The following NDST2 variants were observed in gnomAD, a reference collection of about 807,000 sequenced individuals.
NDST2 encodes bifunctional heparan sulfate N-deacetylase/N-sulfotransferase 2.
Under a neutral mutation model 86.9 loss-of-function variants are expected in NDST2, and 32 were observed. That is an observed-to-expected ratio of 0.37 (90% CI 0.28 to 0.49). NDST2 has a LOEUF of 0.49. Ranked by LOEUF, NDST2 falls within the 20% of genes least tolerant of loss-of-function variation. NDST2 has a pLI of 0.97. For synonymous variants in NDST2, 409 were observed against 437.0 expected, an observed-to-expected ratio of 0.94 and a Z score of 0.80; for missense variants, 950 against 1,146.9, an observed-to-expected ratio of 0.83 and a Z score of 2.48.
chr10:73,808,133 C>G lies in NDST2; in HGVS notation c.256G>C (p.Val86Leu), dbSNP rs575226199. The change falls in exon 3 of 15, where the codon GTG (valine) becomes CTG (leucine). Residue 86 changes from valine (V) to leucine (L), a missense_variant. This residue lies in a region of NDST2 where 586 missense variants were observed against 714.0 expected (regional missense o/e 0.82). Coordinates refer to ENST00000309979, the MANE Select transcript of NDST2 (RefSeq NM_003635.4). The surrounding 1 kb of genome is among the most constrained non-coding windows in gnomAD (Gnocchi z 4.3). ...GCACTCTCCACAAACACAAGGACCA[C>G]GGGTTCAGTTCGAGCTGTCTCTGGA... ...RPPETARTEP[V>L]VLVFVESAYS... The G allele has an allele frequency of 5.0e-6, 8 of 1,614,236 alleles. No individual in the cohort carries two copies. In the African/African-American group the frequency reaches 1.1e-4, roughly 22 times the overall value.
chr10:73,802,454 G>C lies in NDST2; in HGVS notation c.2649C>G (p.Gly883=). 2.5e-6 allele frequency: 4 copies of C among 1,612,670 alleles called. No homozygotes were observed. The highest frequency in any genetic ancestry group is 3.4e-6 in the Non-Finnish European group (4 of 1,180,020). The change falls in exon 15 of 15, where the codon GGC becomes GGG. Residue 883 remains glycine, a synonymous_variant. Coordinates refer to ENST00000309979, the MANE Select transcript of NDST2 (RefSeq NM_003635.4). ...LREELQHSSL[G] is the part of the protein sequence containing the mutation. ...GCTGGTATGGGAGGCTGGGACATCA[G>C]CCCAGACTGGAATGCTGCAGTTCTT...
At position 73,802,462 on chromosome 10, in the gene NDST2, T is replaced by A; in HGVS notation, c.2641A>T (p.Ser881Cys). The A allele has an allele frequency of 1.2e-6, 2 of 1,612,972 alleles. No individual in the cohort carries two copies. The highest frequency in any genetic ancestry group is 1.1e-5 in the South Asian group (1 of 91,020). Residue 881 changes from serine (S) to cysteine (C), a missense_variant, in exon 15 of 15, where the codon AGT becomes TGT. Around this residue, in one of 5 missense-constraint regions of NDST2, gnomAD observed 303 missense variants for 323.7 expected, o/e 0.94. Transcript: ENST00000309979. ...GGGAGGCTGGGACATCAGCCCAGAC[T>A]GGAATGCTGCAGTTCTTCCCGAAGC... ...SWLREELQHSSLG is the reference protein window; with the variant it reads ...SWLREELQHSCLG
rs571502208 is a variant in NDST2 at position 73,807,432 on chromosome 10, G to A, written c.957C>T (p.Asp319=). The part of the protein sequence containing the change: ...LDRYILVDID[D]IFVGKEGTRM... Reference sequence around the variant, plus strand: ...GGGTCCCTTCCTTGCCCACAAAGATGTCATCGATGTCTACCAAGATGTAGC... The same window carrying A: ...GGGTCCCTTCCTTGCCCACAAAGATATCATCGATGTCTACCAAGATGTAGC... The change falls in exon 3 of 15, where the codon GAC becomes GAT. Residue 319 remains aspartate (D), a synonymous_variant. Transcript: ENST00000309979. 8 of 1,614,196 alleles carry A rather than the reference G, an allele frequency of 5.0e-6. No individual in the cohort carries two copies. The African/African-American group carries it at 1.1e-4, about 22-fold the overall frequency.
At chr10:73,811,014 C>G in intron 1 of NDST2, 111 bp from the exon 2 acceptor site, 1 of 395,580 alleles carries the variant, frequency 2.5e-6, no homozygotes. Flanking sequence ...CGGGAGATCT[C>G]TGAGGACGGC....
In NDST2 at chr10:73,806,492, T is replaced by G. The variant is rs1483853178; in HGVS notation, c.1249-18A>C. On this transcript the variant is annotated intron_variant, in intron 5 of 14. Transcript: ENST00000309979. The surrounding 1 kb of genome is among the most constrained non-coding windows in gnomAD (Gnocchi z 4.5). ...CCATGCTCCTGGGAATGGCATAGAC[T>G]CTCACCAGGACCTGGTGAGGTTTGG... 1.3e-6 allele frequency: 2 copies of G among 1,570,856 alleles called. No homozygotes were observed. The highest frequency in any genetic ancestry group is 2.4e-5 in the South Asian group (2 of 84,360).
At position 73,802,776 on chromosome 10, in the gene NDST2, C is replaced by A; in HGVS notation, c.2424G>T (p.Arg808Ser). 1.2e-6 allele frequency: 2 copies of A among 1,613,926 alleles called. No individual in the cohort carries two copies. The highest frequency in any genetic ancestry group is 1.7e-6 in the Non-Finnish European group (2 of 1,179,820). Reference protein sequence around the residue: ...TPFLNYTRTLRFDDDKGFWCQ... With the variant: ...TPFLNYTRTLSFDDDKGFWCQ... ...ACCAAAATCCCTTATCATCATCAAA[C>A]CTGCTCAACAGGAAGAGGCCATGAG... Residue 808 changes from arginine (R) to serine (S), a missense_variant and splice_region_variant, in exon 14 of 15, where the codon AGG becomes AGT. Around this residue, in one of 5 missense-constraint regions of NDST2, gnomAD observed 303 missense variants for 323.7 expected, o/e 0.94. Transcript: ENST00000309979.
In NDST2 at chr10:73,802,458, A is replaced by C; in HGVS notation, c.2645T>G (p.Leu882Arg). The C allele has an allele frequency of 6.2e-7, 1 of 1,612,838 alleles. No homozygotes were observed. The highest frequency in any genetic ancestry group is 1.1e-5 in the South Asian group (1 of 91,012). Residue 882 changes from leucine (L) to arginine (R), a missense_variant, in exon 15 of 15, where the codon CTG becomes CGG. Transcript: ENST00000309979. ...WLREELQHSS[L>R]G ...GTATGGGAGGCTGGGACATCAGCCC[A>C]GACTGGAATGCTGCAGTTCTTCCCG...
intron 3 of NDST2, 78 bp downstream of exon 3, chr10:73,807,306 C>T: frequency 6.3e-7 from 1 of 1,583,630 alleles, no homozygotes; most frequent in Non-Finnish European, 8.7e-7. Flanking sequence ...CTATGACAAG[C>T]TCAGAATCAA....
rs529873660 is a variant in NDST2, at chr10:73,807,653, G to A, written c.736C>T (p.Arg246Trp). 11 of 1,614,116 alleles carry A rather than the reference G, an allele frequency of 6.8e-6. No individual in the cohort carries two copies. The highest frequency in any genetic ancestry group is 6.7e-5 in the Admixed American group (4 of 60,012). The change falls in exon 3 of 15, where the codon CGG (arginine) becomes TGG (tryptophan). Residue 246 changes from arginine (R) to tryptophan (W), a missense_variant. Around this residue, in one of 5 missense-constraint regions of NDST2, gnomAD observed 586 missense variants for 714.0 expected, o/e 0.82. Transcript: ENST00000309979. ...CCTGGCACTGCGGGCTCAGCTGGCC[G>A]AAGGCTGGCAAGAAGCACTGGTTCA... ...TYEPVLLASL[R>W]PAEPAVPGPV...
intron 8 of NDST2, 58 bp downstream of exon 8, chr10:73,805,529 A>G (rs1407073663): frequency 6.5e-7 from 1 of 1,547,982 alleles, no homozygotes. Flanking sequence ...AACAACAACA[A>G]CAACAAAAAA....
At chr10:73,810,590 T>C (rs1414545020) in intron 2 of NDST2, 5 of 382,278 alleles carry the variant, frequency 1.3e-5, no homozygotes, top group Non-Finnish European at 2.3e-5. Context: ...GTGATGCAAC[T>C]TTAGAGAAAA....
In NDST2 at chr10:73,808,848, A is replaced by AG. The variant is rs1037243356; in HGVS notation, c.-341-120_-341-119insC. ...CTGGATAATCTGTTCTCAAAAAAAAAAAAAAAAAAGTTTCCTCTAGGAGAA... is the reference window on the plus strand; with the variant it reads ...CTGGATAATCTGTTCTCAAAAAAAAAGAAAAAAAAAGTTTCCTCTAGGAGAA... On this transcript the variant is annotated intron_variant, in intron 2 of 14. Coordinates refer to ENST00000309979, the MANE Select transcript of NDST2 (RefSeq NM_003635.4). This position sits in a 1 kb window ranked among gnomAD's most constrained non-coding sequence, Gnocchi z 4.3. 6.3e-6 allele frequency: 1 copy of AG among 158,056 alleles called. No individual in the cohort carries two copies. Among genetic ancestry groups the AG allele is most frequent in the African/African-American group, 2.4e-5 (1 of 41,428 alleles). 9.8% of individuals were successfully genotyped at this position (158,056 alleles called of 1,614,324 possible). A position where few individuals can be genotyped will look rare whatever the true frequency, so the allele number is the denominator to read the frequency against.
rs769042004 is a variant in NDST2, at chr10:73,802,504, G to C, written c.2599C>G (p.Gln867Glu). The change falls in exon 15 of 15, where the codon CAG (glutamine) becomes GAG (glutamate). Residue 867 changes from glutamine to glutamate, a missense_variant. Gln to Glu is a conservative substitution (Grantham distance 29). This residue lies in a region of NDST2 where 303 missense variants were observed against 323.7 expected (regional missense o/e 0.94). Coordinates refer to ENST00000309979, the MANE Select transcript of NDST2 (RefSeq NM_003635.4). ...TCCCGAAGCCACGAGGGCACTGGCT[G>C]TCCAAGCCGGCTCAGCAGCTTCGAC... ...ELSKLLSRLG[Q>E]PVPSWLREEL... is the part of the protein sequence containing the mutation. The C allele has an allele frequency of 1.2e-6, 2 of 1,613,966 alleles. No individual in the cohort carries two copies. Among genetic ancestry groups the C allele is most frequent in the Non-Finnish European group, 1.7e-6 (2 of 1,180,042 alleles).
intron 1 of NDST2, among the ~76,000 whole-genome samples, chr10:73,811,178 C>G (rs934762103): frequency 6.6e-6 from 1 of 152,026 alleles, no homozygotes; most frequent in African/African-American, 2.4e-5. Flanking sequence ...ATGCGAAGAG[C>G]GCACCGGATG....
In NDST2 at chr10:73,808,267, C is replaced by G; in HGVS notation, c.122G>C (p.Ser41Thr). 6.2e-7 allele frequency: 1 copy of G among 1,603,956 alleles called. No homozygotes were observed. Among genetic ancestry groups the G allele is most frequent in the Non-Finnish European group, 8.5e-7 (1 of 1,175,312 alleles). ...GGGCAAGGGTTCCTTGGCCTTAGGG[C>G]TGGTGGACACATAATAAGCCAGGAA... is the stretch of plus-strand genomic sequence containing the variant. ...MGFLAYYVST[S>T]PKAKEPLPLP... The change falls in exon 3 of 15, where the codon AGC becomes ACC. Residue 41 changes from serine to threonine, a missense_variant. Ser to Thr is a moderately conservative substitution (Grantham distance 58, BLOSUM62 1). Coordinates refer to ENST00000309979, the MANE Select transcript of NDST2 (RefSeq NM_003635.4). The surrounding 1 kb of genome is among the most constrained non-coding windows in gnomAD (Gnocchi z 4.3).
chr10:73,804,805 G>C lies in NDST2; in HGVS notation c.1811C>G (p.Pro604Arg). Residue 604 changes from proline to arginine, a missense_variant, in exon 9 of 15, where the codon CCG (proline) becomes CGG (arginine). Around this residue, in one of 5 missense-constraint regions of NDST2, gnomAD observed 17 missense variants for 40.1 expected, o/e 0.42. Coordinates refer to ENST00000309979, the MANE Select transcript of NDST2 (RefSeq NM_003635.4). Reference protein sequence around the residue: ...WSKEKTCDRLPKFLIVGPQKT... With the variant: ...WSKEKTCDRLRKFLIVGPQKT... ...CTGGGGTCCCACAATGAGGAACTTC[G>C]GGAGACGATCACAGGTTTTCTCCTT... 6.2e-7 allele frequency: 1 copy of C among 1,613,424 alleles called. No individual in the cohort carries two copies. Among genetic ancestry groups the C allele is most frequent in the Non-Finnish European group, 8.5e-7 (1 of 1,179,608 alleles).
chr10:73,806,881 C>T lies in NDST2; in HGVS notation c.1094-70G>A. ...TTCCCTCCTTTATTTTGTAACAACA[C>T]TGACCACCTTCCATCCCTGATCCTT... On this transcript the variant is annotated intron_variant, in intron 4 of 14. Coordinates refer to ENST00000309979, the MANE Select transcript of NDST2 (RefSeq NM_003635.4). This position sits in a 1 kb window ranked among gnomAD's most constrained non-coding sequence, Gnocchi z 4.5. 3 of 1,585,058 alleles carry T rather than the reference C, an allele frequency of 1.9e-6. No individual in the cohort carries two copies. The highest frequency in any genetic ancestry group is 2.6e-6 in the Non-Finnish European group (3 of 1,160,922).
rs2075641 is a variant in NDST2 at position 73,802,350 on chromosome 10, G to A, written c.*101C>T. 191,330 of 1,341,360 alleles carry A rather than the reference G, an allele frequency of 0.14. 14,125 individuals carry two copies. Among genetic ancestry groups the A allele is most frequent in the South Asian group, 0.22 (16,767 of 77,602 alleles). The allele number at this position is 1,341,360 out of a possible 1,614,324, so 83.1% of individuals were successfully genotyped here. A position where few individuals can be genotyped will look rare whatever the true frequency, so the allele number is the denominator to read the frequency against. ...CAGGCCTGGGGGCTACTGAGGTAGA[G>A]GGGGAGGGGCCAGGCCACTCTAATC... On this transcript the variant is annotated 3_prime_UTR_variant, in exon 15 of 15. Transcript: ENST00000309979.
chr10:73,803,777 C>T (rs1461207444), intron 10 of NDST2, 29 bp from the exon 11 acceptor site: 2 of 1,613,608 alleles, frequency 1.2e-6, no homozygotes, highest in African/African-American at 2.7e-5. Flanking sequence ...GAGAGAGAAG[C>T]AGAAAAATAT....
Sources: allele counts gnomAD v4.1 joint callset (sites outside exome capture counted in the v4.1 genomes callset), GRCh38; gene constraint gnomAD v4.1.1; regional missense constraint gnomAD v4.1.1; non-coding constraint Gnocchi (gnomAD v3.1); transcripts MANE v1.5; gene names NCBI Gene and HGNC (gene_info 2026-07-23, HGNC 2026-07-21).